The following SLC4A7 variants were observed in gnomAD, a reference collection of about 807,000 sequenced individuals.
The protein encoded by SLC4A7 is solute carrier family 4 member 7.
In SLC4A7, 51 loss-of-function variants were observed where a neutral mutation model predicts 137.6. The ratio of observed to expected loss-of-function variants is 0.37; its 90% CI spans 0.30 to 0.47. The LOEUF (loss-of-function observed/expected upper bound fraction) is 0.47. SLC4A7 is among the 20% of genes least tolerant of loss of function. The probability of loss-of-function intolerance (pLI) is 1.00; values close to 1 mark genes in which losing one functional copy is unlikely to be tolerated. For missense variants in SLC4A7, 1,247 were observed against 1,525.4 expected (o/e 0.82, Z 3.04); for synonymous variants, 542 against 518.6 (o/e 1.05, Z -0.61).
chr3:27,437,905 A>G (rs1240123951), intron 3 of SLC4A7, among the ~76,000 whole-genome samples: 3 of 152,240 alleles, frequency 2.0e-5, no homozygotes, highest in Non-Finnish European at 1.5e-5. Context: ...AACATTTAAA[A>G]TATAAGCTAA....
intron 12 of SLC4A7, 139 bp from the exon 13 acceptor site, chr3:27,409,669 T>C: frequency 3.4e-6 from 2 of 592,776 alleles, no homozygotes; most frequent in Non-Finnish European, 5.9e-6. Flanking sequence ...AACTTATAAA[T>C]TACAGAAGAT....
intron 21 of SLC4A7, 23 bp from the exon 22 acceptor site, chr3:27,390,127 A>G (rs767609625): frequency 2.1e-6 from 3 of 1,411,976 alleles, no homozygotes; most frequent in Non-Finnish European, 9.8e-7. Flanking sequence ...TAAAAAACAA[A>G]GAAGTTTTCA....
chr3:27,418,386 G>A lies in SLC4A7; in HGVS notation c.1659+100C>T, dbSNP rs889929065. On this transcript the variant is annotated intron_variant, in intron 11 of 25. Transcript: ENST00000454389. ...GGTAAGAAGGTAAACAGGACGAGGT[G>A]GGGATAAAACTTCTCTGTTTTGGTT... is the stretch of plus-strand genomic sequence containing the variant. 7 of 849,564 alleles carry A rather than the reference G, an allele frequency of 8.2e-6. No homozygotes were observed. In the Admixed American group the frequency reaches 1.1e-4, roughly 14 times the overall value. 52.6% of individuals were successfully genotyped at this position (849,564 alleles called of 1,614,324 possible). A position where few individuals can be genotyped will look rare whatever the true frequency, so the allele number is the denominator to read the frequency against.
chr3:27,471,149 C>T (rs1303756234), intron 1 of SLC4A7, among the ~76,000 whole-genome samples: 1 of 152,084 alleles, frequency 6.6e-6, no homozygotes, highest in Non-Finnish European at 1.5e-5. Flanking sequence ...CTATTTGCAA[C>T]GTATTGTTTT....
At position 27,375,488 on chromosome 3, in the gene SLC4A7, T is replaced by C. The variant is rs1015787623; in HGVS notation, c.*1276A>G. 1.3e-5 allele frequency: 2 copies of C among 152,388 alleles called. No homozygotes were observed. The highest frequency in any genetic ancestry group is 2.9e-5 in the Non-Finnish European group (2 of 67,840). The allele number at this position is 152,388 out of a possible 1,614,324, so 9.4% of individuals were successfully genotyped here. ...TTAAAAAGCTCAGAAAAGCAAAAAC[T>C]AATACACAAAATAAAAATGTCATTA... On this transcript the variant is annotated 3_prime_UTR_variant, in exon 26 of 26. Transcript: ENST00000454389.
intron 1 of SLC4A7, among the ~76,000 whole-genome samples, chr3:27,465,004 C>A (rs1053003949): frequency 1.3e-5 from 2 of 152,052 alleles, no homozygotes; most frequent in Non-Finnish European, 2.9e-5. Context: ...CGTGCCTAAT[C>A]TTTCCCGGCC....
At chr3:27,387,172 G>A (rs75400612) in intron 22 of SLC4A7, among the ~76,000 whole-genome samples, 11,636 of 152,212 alleles carry the variant, frequency 0.076, 558 homozygotes, top group Middle Eastern at 0.18. Flanking sequence ...CAGTGAAGTA[G>A]ATGGCAAAGC....
At chr3:27,448,891 A>G (rs370984547) in intron 2 of SLC4A7, 94 bp from the exon 3 acceptor site, 7 of 833,682 alleles carry the variant, frequency 8.4e-6, no homozygotes, top group East Asian at 2.8e-5. Flanking sequence ...GATAAAGAAT[A>G]TAAGTTCACG....
chr3:27,427,054 C>A (rs2055709659), intron 7 of SLC4A7, among the ~76,000 whole-genome samples: 1 of 152,112 alleles, frequency 6.6e-6, no homozygotes, highest in Non-Finnish European at 1.5e-5. Context: ...GAGGTAGTTA[C>A]AGCAATGGTG....
chr3:27,466,554 G>A (rs1427534943), intron 1 of SLC4A7, among the ~76,000 whole-genome samples: 7 of 152,066 alleles, frequency 4.6e-5, no homozygotes, highest in African/African-American at 1.7e-4. Flanking sequence ...TTGGACAGCC[G>A]TGGTGATTCA....
chr3:27,404,836 A>G lies in SLC4A7; in HGVS notation c.2069T>C (p.Phe690Ser). 1 of 1,601,376 alleles carries G rather than the reference A, an allele frequency of 6.2e-7. No homozygotes were observed. Among genetic ancestry groups the G allele is most frequent in the Non-Finnish European group, 8.5e-7 (1 of 1,174,874 alleles). The change falls in exon 14 of 26, where the codon TTC (phenylalanine) becomes TCC (serine). Residue 690 changes from phenylalanine (F) to serine (S), a missense_variant. This residue lies in a region of SLC4A7 where 499 missense variants were observed against 664.2 expected (regional missense o/e 0.75). Coordinates refer to ENST00000454389, the MANE Select transcript of SLC4A7 (RefSeq NM_001321103.2). ...AGAGAGGGCTATTACTTACCTGCAG[A>G]ATTTATATAAAATTTTTTCAAACAC... Reference protein sequence around the residue: ...VLVFEKILYKFCRDYQLSYLS... With the variant: ...VLVFEKILYKSCRDYQLSYLS...
In SLC4A7 at chr3:27,452,463, T is replaced by G; in HGVS notation, c.96A>C (p.Lys32Asn). The G allele has an allele frequency of 6.2e-7, 1 of 1,605,290 alleles. No individual in the cohort carries two copies. Among genetic ancestry groups the G allele is most frequent in the Non-Finnish European group, 8.5e-7 (1 of 1,178,198 alleles). ...ACTTGGTGTTCACAGTTGAGCTAGT[T>G]TTGCCAAGATCCACAACAGCTTCTT... Reference protein sequence around the residue: ...PDEEAVVDLGKTSSTVNTKFE... With the variant: ...PDEEAVVDLGNTSSTVNTKFE... Residue 32 changes from lysine to asparagine, a missense_variant, in exon 2 of 26, where the codon AAA becomes AAC. This residue lies in a region of SLC4A7 where 176 missense variants were observed against 186.4 expected (regional missense o/e 0.94). Transcript: ENST00000454389.
rs754511391 is a variant in SLC4A7 at position 27,375,984 on chromosome 3, T to C, written c.*780A>G. The C allele has an allele frequency of 1.3e-5, 2 of 151,960 alleles. No homozygotes were observed. The highest frequency in any genetic ancestry group is 4.8e-5 in the African/African-American group (2 of 41,414). The allele number at this position is 151,960 out of a possible 1,614,324, so 9.4% of individuals were successfully genotyped here. A position where few individuals can be genotyped will look rare whatever the true frequency, so the allele number is the denominator to read the frequency against. On this transcript the variant is annotated 3_prime_UTR_variant, in exon 26 of 26. Transcript: ENST00000454389. Reference sequence around the variant, plus strand: ...GGGAATCATTGGCTTTAAAAGAGCATAAGGATTCAGAAAAAATATTCTACA... The same window carrying C: ...GGGAATCATTGGCTTTAAAAGAGCACAAGGATTCAGAAAAAATATTCTACA...
rs2150073482 is a variant in SLC4A7, at chr3:27,390,066, C to T, written c.3225G>A (p.Lys1075=). The change falls in exon 22 of 26, where the codon AAG becomes AAA. Residue 1075 remains lysine (K), a synonymous_variant. Transcript: ENST00000454389. ...GGAGGTATATCAAATCAGGCTGATG[C>T]TTAGCAGGCATTCCAAATAATTTTA... ...DRIKLFGMPA[K]HQPDLIYLRY... 6 of 1,609,246 alleles carry T rather than the reference C, an allele frequency of 3.7e-6. No homozygotes were observed. Among genetic ancestry groups the T allele is most frequent in the South Asian group, 1.1e-5 (1 of 90,428 alleles).
intron 15 of SLC4A7, 85 bp downstream of exon 15, chr3:27,403,054 A>G: frequency 1.5e-6 from 2 of 1,352,284 alleles, no homozygotes; most frequent in Non-Finnish European, 2.0e-6. Flanking sequence ...TTACACTATC[A>G]CACTGCAAAA....
chr3:27,472,364 G>A (rs777407119), intron 1 of SLC4A7, among the ~76,000 whole-genome samples: 2 of 152,164 alleles, frequency 1.3e-5, no homozygotes, highest in Admixed American at 1.3e-4. Flanking sequence ...AAAGTGGGCT[G>A]ATCACCCGAG....
At chr3:27,443,005 G>T (rs542547712) in intron 3 of SLC4A7, among the ~76,000 whole-genome samples, 54 of 149,980 alleles carry the variant, frequency 3.6e-4, no homozygotes, top group African/African-American at 1.3e-3. Flanking sequence ...TAGCCACCGC[G>T]CTGGGCATTC....
chr3:27,431,731 T>A, intron 6 of SLC4A7, 62 bp from the exon 7 acceptor site: 2 of 1,458,010 alleles, frequency 1.4e-6, no homozygotes, highest in Non-Finnish European at 1.8e-6. Context: ...ATAGAGACAT[T>A]TAAAAAAAAA....
chr3:27,384,395 T>C (rs1414610953), intron 23 of SLC4A7, among the ~76,000 whole-genome samples: 3 of 152,134 alleles, frequency 2.0e-5, no homozygotes, highest in South Asian at 2.1e-4. Flanking sequence ...TTTTGATTCA[T>C]GAAGTGAAGA....
Sources: gnomAD v4.1 joint callset for allele counts (sites outside exome capture counted in the v4.1 genomes callset) on GRCh38, gnomAD v4.1.1 for gene constraint, gnomAD v4.1.1 regional missense constraint, MANE v1.5 for transcripts, NCBI Gene and HGNC (gene_info 2026-07-23, HGNC 2026-07-21) for gene names.